FRY: variants seen among roughly 807,000 people sequenced by gnomAD.
FRY encodes the protein FRY microtubule binding protein.
A neutral mutation model predicts 348.4 loss-of-function variants in FRY; 128 were observed. The ratio of observed to expected loss-of-function variants is 0.37; its 90% CI spans 0.32 to 0.43. FRY has a LOEUF of 0.43. FRY is among the 20% of genes least tolerant of loss of function. FRY has a pLI of 1.00. For missense variants in FRY, 2,736 were observed against 3,695.2 expected (o/e 0.74, Z 6.73); for synonymous variants, 1,370 against 1,374.7 (o/e 1.00, Z 0.08).
chr13:32,273,483 A>G (rs1403055533), intron 55 of FRY, among the ~76,000 whole-genome samples: 1 of 151,974 alleles, frequency 6.6e-6, no homozygotes, highest in African/African-American at 2.4e-5. Flanking sequence ...CGGCCTCCCA[A>G]AGTGCTGGGA....
At chr13:32,255,965 C>G (rs1887310959) in intron 51 of FRY, among the ~76,000 whole-genome samples, 1 of 152,014 alleles carries the variant, frequency 6.6e-6, no homozygotes, top group South Asian at 2.1e-4. Flanking sequence ...CCTGTCTCGG[C>G]CAGAGAAAAA....
chr13:32,295,130 A>T (rs1232289899), intron 60 of FRY, 72 bp from the exon 61 acceptor site: 34 of 1,330,048 alleles, frequency 2.6e-5, no homozygotes, highest in Non-Finnish European at 2.9e-5. Context: ...CTCTTATATT[A>T]ATGAAGACTC....
intron 51 of FRY, chr13:32,261,404 T>A: frequency 1.3e-6 from 1 of 746,574 alleles, no homozygotes; most frequent in East Asian, 2.5e-5. Context: ...ATGTAATCAT[T>A]TCTGCCTATG....
intron 3 of FRY, among the ~76,000 whole-genome samples, chr13:32,105,323 T>C (rs759004543): frequency 6.6e-6 from 1 of 152,220 alleles, no homozygotes; most frequent in Non-Finnish European, 1.5e-5. Context: ...ATCTTGGAAG[T>C]AGAGACCGAA....
intron 14 of FRY, among the ~76,000 whole-genome samples, chr13:32,150,631 T>G (rs1328509187): frequency 1.3e-5 from 2 of 152,104 alleles, no homozygotes; most frequent in Non-Finnish European, 2.9e-5. Flanking sequence ...AAGAGTACAT[T>G]ACAAACTCTT....
In FRY at chr13:32,249,570, T is replaced by A; in HGVS notation, c.7053T>A (p.Ser2351=). Residue 2351 remains serine (S), a synonymous_variant, in exon 49 of 61, where the codon TCT becomes TCA. Transcript: ENST00000542859. ...GRRYDELQNS[S]GRDGKPRAMA... ...GGTATGATGAGCTGCAGAATTCTTC[T>A]GGGCGTGATGGGAAGCCCAGGGCCA... 1 of 1,614,210 alleles carries A rather than the reference T, an allele frequency of 6.2e-7. No individual in the cohort carries two copies. The highest frequency in any genetic ancestry group is 8.5e-7 in the Non-Finnish European group (1 of 1,180,026).
In FRY at chr13:32,267,291, C is replaced by G; in HGVS notation, c.8068C>G (p.Gln2690Glu). ...AEEAWRSHIN[Q>E]LMCDSDGSCA... Reference sequence around the variant, plus strand: ...GGAGGCCTGGCGCAGCCACATCAACCAGCTTATGTGTGACTCAGATGGCTC... The same window carrying G: ...GGAGGCCTGGCGCAGCCACATCAACGAGCTTATGTGTGACTCAGATGGCTC... Residue 2690 changes from glutamine (Q) to glutamate (E), a missense_variant, in exon 55 of 61, where the codon CAG (glutamine) becomes GAG (glutamate). Physicochemically the swap from Gln to Glu is conservative, Grantham distance 29 (BLOSUM62 2). This residue lies in a region of FRY where 789 missense variants were observed against 996.2 expected (regional missense o/e 0.79). Transcript: ENST00000542859. 1 of 1,614,184 alleles carries G rather than the reference C, an allele frequency of 6.2e-7. No individual in the cohort carries two copies.
At chr13:32,089,698 G>A (rs1181474261) in intron 2 of FRY, among the ~76,000 whole-genome samples, 1 of 152,148 alleles carries the variant, frequency 6.6e-6, no homozygotes, top group Non-Finnish European at 1.5e-5. Context: ...TGAGGCTGCA[G>A]TAAGCCGTGT....
chr13:32,231,485 A>G (rs1326258209), intron 41 of FRY, among the ~76,000 whole-genome samples, 185 bp downstream of exon 41: 1 of 152,208 alleles, frequency 6.6e-6, no homozygotes, highest in Non-Finnish European at 1.5e-5. Flanking sequence ...AATGCCGTGT[A>G]TATTTGCATT....
intron 55 of FRY, among the ~76,000 whole-genome samples, chr13:32,274,565 G>A (rs111540368): frequency 0.037 from 5,621 of 151,454 alleles, 263 homozygotes; most frequent in African/African-American, 0.11. Context: ...TTAGCCAGGC[G>A]TGGTGGCAGG....
intron 39 of FRY, among the ~76,000 whole-genome samples, chr13:32,226,836 A>G (rs892799293): frequency 2.0e-5 from 3 of 152,234 alleles, no homozygotes; most frequent in African/African-American, 7.2e-5. Flanking sequence ...ATATGAAATC[A>G]TCATTATCTC....
Position 32,185,103 on chromosome 13 carries a change from G to A in FRY, c.3274G>A (p.Ala1092Thr), listed in dbSNP as rs200244322. The change falls in exon 26 of 61, where the codon GCA becomes ACA. Residue 1092 changes from alanine (A) to threonine (T), a missense_variant. Physicochemically the swap from Ala to Thr is moderately conservative, Grantham distance 58. This residue lies in a region of FRY where 449 missense variants were observed against 576.9 expected (regional missense o/e 0.78). Coordinates refer to ENST00000542859, the MANE Select transcript of FRY (RefSeq NM_023037.3). ...KEVEILKDIRAHFSAMVANLI... is the reference protein window; with the variant it reads ...KEVEILKDIRTHFSAMVANLI... ...AGTTGAAATTCTTAAAGATATCCGG[G>A]CACATTTTAGTGCAATGGTGGCCAA... 89 of 1,613,936 alleles carry A rather than the reference G, an allele frequency of 5.5e-5. No homozygotes were observed. The highest frequency in any genetic ancestry group is 6.9e-5 in the Non-Finnish European group (82 of 1,179,932).
At chr13:32,282,578 G>A (rs1023713781) in intron 58 of FRY, among the ~76,000 whole-genome samples, 6 of 152,150 alleles carry the variant, frequency 3.9e-5, no homozygotes, top group Non-Finnish European at 8.8e-5. Flanking sequence ...AGTCTGGTCC[G>A]GTCTTTGCCA....
Position 32,209,568 on chromosome 13 carries a change from T to A in FRY, c.4276-17T>A, listed in dbSNP as rs192439406. On this transcript the variant is annotated splice_polypyrimidine_tract_variant and intron_variant, in intron 32 of 60. Coordinates refer to ENST00000542859, the MANE Select transcript of FRY (RefSeq NM_023037.3). Reference sequence around the variant, plus strand: ...AGTTTTCACACATCTCTTGGGCCGGTTTTTATTTTGTTATAGTATGGAGAT... The same window carrying A: ...AGTTTTCACACATCTCTTGGGCCGGATTTTATTTTGTTATAGTATGGAGAT... 587 of 1,613,632 alleles carry A rather than the reference T, an allele frequency of 3.6e-4. 2 individuals carry two copies. The African/African-American group carries it at 7.2e-3, about 20-fold the overall frequency.
Position 32,194,253 on chromosome 13 carries a change from T to A in FRY, c.3702T>A (p.Leu1234=), listed in dbSNP as rs767262170. ...GATGCTACACAGGTTCCTACCAACTTGCATCTGGCTGCTTCAAAGCCATAG... is the reference window on the plus strand; with the variant it reads ...GATGCTACACAGGTTCCTACCAACTAGCATCTGGCTGCTTCAAAGCCATAG... ...IDRCYTGSYQ[L]ASGCFKAIAT... is the part of the protein sequence containing the mutation. Residue 1234 remains leucine (L), a synonymous_variant, in exon 29 of 61, where the codon CTT becomes CTA. Transcript: ENST00000542859. 2.7e-5 allele frequency: 44 copies of A among 1,614,064 alleles called. No homozygotes were observed. The highest frequency in any genetic ancestry group is 3.5e-5 in the Non-Finnish European group (41 of 1,180,002).
Position 32,043,118 on chromosome 13 carries a change from A to T in FRY, c.70+11253A>T, listed in dbSNP as rs145233641. Among the ~76,000 whole-genome samples, 460 of 152,338 alleles carry T rather than the reference A, an allele frequency of 3.0e-3. 2 individuals carry two copies. The highest frequency in any genetic ancestry group is 0.01 in the African/African-American group (435 of 41,578). ...GAGGAAGGTGAAAGGCACACCTCAC[A>T]TGGCAGCGGCAAGAGAGAGAATGAG... On this transcript the variant is annotated intron_variant, in intron 1 of 60. Coordinates refer to ENST00000542859, the MANE Select transcript of FRY (RefSeq NM_023037.3).
intron 25 of FRY, 89 bp from the exon 26 acceptor site, chr13:32,184,887 T>G (rs1882936907): frequency 1.7e-6 from 2 of 1,189,936 alleles, no homozygotes; most frequent in South Asian, 2.4e-5. Context: ...AGTGTGTGAG[T>G]TGTGACAGTG....
At position 32,239,221 on chromosome 13, in the gene FRY, A is replaced by G. The variant is rs1267908022; in HGVS notation, c.6419-31A>G. ...TTAACAGCTAAAATATACCATATTCAGCTATCTCCATTGTATCTTCTCTAA... is the reference window on the plus strand; with the variant it reads ...TTAACAGCTAAAATATACCATATTCGGCTATCTCCATTGTATCTTCTCTAA... On this transcript the variant is annotated intron_variant, in intron 44 of 60. Coordinates refer to ENST00000542859, the MANE Select transcript of FRY (RefSeq NM_023037.3). This position sits in a 1 kb window ranked among gnomAD's most constrained non-coding sequence, Gnocchi z 4.3. 1 of 1,263,972 alleles carries G rather than the reference A, an allele frequency of 7.9e-7. No homozygotes were observed. The highest frequency in any genetic ancestry group is 1.2e-6 in the Non-Finnish European group (1 of 861,086). The allele number at this position is 1,263,972 out of a possible 1,614,324, so 78.3% of individuals were successfully genotyped here. A position where few individuals can be genotyped will look rare whatever the true frequency, so the allele number is the denominator to read the frequency against.
chr13:32,271,636 G>A (rs1277764782), intron 55 of FRY, among the ~76,000 whole-genome samples: 1 of 152,224 alleles, frequency 6.6e-6, no homozygotes, highest in African/African-American at 2.4e-5. Flanking sequence ...CAGATTGCAG[G>A]AGAGAGACCT....
Sources: gnomAD v4.1 joint callset for allele counts (sites outside exome capture counted in the v4.1 genomes callset) on GRCh38, gnomAD v4.1.1 for gene constraint, gnomAD v4.1.1 regional missense constraint, Gnocchi (gnomAD v3.1) non-coding constraint, MANE v1.5 for transcripts, NCBI Gene and HGNC (gene_info 2026-07-23, HGNC 2026-07-21) for gene names.